Variants in UNC5D observed in about 807,000 individuals in gnomAD.
UNC5D encodes the protein netrin receptor UNC5D.
In UNC5D, 39 loss-of-function variants were observed where a neutral mutation model predicts 105.4. That is an observed-to-expected ratio of 0.37 (90% CI 0.29 to 0.48). The LOEUF (loss-of-function observed/expected upper bound fraction) is 0.48, where lower values mean the gene tolerates loss of function less well. UNC5D is among the 20% of genes least tolerant of loss of function. The pLI is 0.98. For synonymous variants in UNC5D, 452 were observed against 450.4 expected (o/e 1.00, Z -0.04); for missense variants, 991 against 1,202.4 (o/e 0.82, Z 2.60).
intron 1 of UNC5D, among the ~76,000 whole-genome samples, chr8:35,257,708 CCCTAAGACTA>C (rs1302441706): frequency 6.6e-6 from 1 of 152,142 alleles, no homozygotes; most frequent in Non-Finnish European, 1.5e-5. Flanking sequence ...GCCAGAGACT[CCCTAAGACTA>C]TTGACACCAT....
intron 13 of UNC5D, among the ~76,000 whole-genome samples, chr8:35,756,107 G>T (rs542588696): frequency 3.3e-5 from 5 of 152,072 alleles, no homozygotes; most frequent in African/African-American, 9.7e-5. Context: ...AGCCAATTGT[G>T]CCTTTACAAA....
At chr8:35,776,111 G>A (rs1353570402) in intron 16 of UNC5D, among the ~76,000 whole-genome samples, 2 of 151,976 alleles carry the variant, frequency 1.3e-5, no homozygotes, top group Non-Finnish European at 2.9e-5. Flanking sequence ...AATATAACAC[G>A]GTTAAAAAAG....
intron 4 of UNC5D, among the ~76,000 whole-genome samples, chr8:35,604,775 A>G (rs1350982037): frequency 1.3e-5 from 2 of 152,002 alleles, no homozygotes; most frequent in East Asian, 1.9e-4. Context: ...ACTTCTCTTC[A>G]TGATTCATTT....
rs1281026764 is a variant in UNC5D, at chr8:35,568,213, G to A, written c.438G>A (p.Lys146=). 1.2e-6 allele frequency: 2 copies of A among 1,614,084 alleles called. No individual in the cohort carries two copies. The highest frequency in any genetic ancestry group is 2.7e-5 in the African/African-American group (2 of 74,946). Residue 146 remains lysine (K), a synonymous_variant, in exon 3 of 17, where the codon AAG becomes AAA. Coordinates refer to ENST00000404895, the MANE Select transcript of UNC5D (RefSeq NM_080872.4). ...CVAWSHLGTS[K]SRKASVRIAY... is the part of the protein sequence containing the mutation. ...CGTGGAGCCACCTGGGTACCTCCAA[G>A]AGCAGGAAGGCCTCTGTGCGCATAG... is the stretch of plus-strand genomic sequence containing the variant.
At chr8:35,582,656 A>C (rs976309693) in intron 3 of UNC5D, among the ~76,000 whole-genome samples, 2 of 152,096 alleles carry the variant, frequency 1.3e-5, no homozygotes, top group African/African-American at 2.4e-5. Context: ...GAACCAAAAA[A>C]CTAATAATGT....
At position 35,720,006 on chromosome 8, in the gene UNC5D, C is replaced by T. The variant is rs1828487764; in HGVS notation, c.1118-2204C>T. Reference sequence around the variant, plus strand: ...CACTGAGCCATATCAAACATTGATACTTTGGTCTGCAGGCATACATAGGGT... The same window carrying T: ...CACTGAGCCATATCAAACATTGATATTTTGGTCTGCAGGCATACATAGGGT... On this transcript the variant is annotated intron_variant, in intron 8 of 16. Coordinates refer to ENST00000404895, the MANE Select transcript of UNC5D (RefSeq NM_080872.4). 1.3e-5 allele frequency among the ~76,000 whole-genome samples: 2 copies of T among 152,156 alleles called. 1 individual carries two copies. The highest frequency in any genetic ancestry group is 4.2e-4 in the South Asian group (2 of 4,818).
At chr8:35,360,260 T>C (rs183483625) in intron 1 of UNC5D, among the ~76,000 whole-genome samples, 7 of 152,270 alleles carry the variant, frequency 4.6e-5, no homozygotes, top group African/African-American at 1.4e-4. Context: ...TGATTTCCTT[T>C]TACATACAAA....
At chr8:35,507,160 A>C (rs1314820427) in intron 1 of UNC5D, among the ~76,000 whole-genome samples, 3 of 137,358 alleles carry the variant, frequency 2.2e-5, no homozygotes, top group Non-Finnish European at 4.6e-5. Flanking sequence ...GGTTCACGCC[A>C]TTCTCCTGCC....
At chr8:35,283,096 G>T (rs1056494933) in intron 1 of UNC5D, among the ~76,000 whole-genome samples, 1 of 152,028 alleles carries the variant, frequency 6.6e-6, no homozygotes, top group Non-Finnish European at 1.5e-5. Context: ...GCTATTTGGG[G>T]GTAGTTTTCA....
chr8:35,385,996 C>A (rs771773897), intron 1 of UNC5D, among the ~76,000 whole-genome samples: 1 of 152,058 alleles, frequency 6.6e-6, no homozygotes, highest in Non-Finnish European at 1.5e-5. Context: ...AATTGATTTC[C>A]CTTCTTAATC....
At chr8:35,592,364 T>C (rs1262663403) in intron 3 of UNC5D, among the ~76,000 whole-genome samples, 3 of 152,172 alleles carry the variant, frequency 2.0e-5, no homozygotes, top group Non-Finnish European at 4.4e-5. Flanking sequence ...TTCCTTCTCT[T>C]GTAGTATAAT....
At chr8:35,770,071 G>A (rs901800081) in intron 15 of UNC5D, among the ~76,000 whole-genome samples, 7 of 152,114 alleles carry the variant, frequency 4.6e-5, no homozygotes, top group Admixed American at 4.6e-4. Context: ...GACCTGGGGA[G>A]GTGCAGGATA....
chr8:35,716,272 A>C (rs1290367507), intron 8 of UNC5D, among the ~76,000 whole-genome samples: 1 of 152,176 alleles, frequency 6.6e-6, no homozygotes. Flanking sequence ...TATAATACCT[A>C]CCTCATAGAT....
chr8:35,479,817 C>CATA (rs1810356109), intron 1 of UNC5D, among the ~76,000 whole-genome samples: 1 of 152,190 alleles, frequency 6.6e-6, no homozygotes, highest in African/African-American at 2.4e-5. Flanking sequence ...GGCTACCTAT[C>CATA]AGGTACCATG....
intron 4 of UNC5D, among the ~76,000 whole-genome samples, chr8:35,648,290 G>C (rs956656079): frequency 2.0e-5 from 3 of 152,124 alleles, no homozygotes; most frequent in Non-Finnish European, 2.9e-5. Flanking sequence ...CCTTGCAGTA[G>C]TGTTCATTTT....
rs375314129 is a variant in UNC5D at position 35,366,991 on chromosome 8, A to G, written c.103+131104A>G. 1.5e-4 allele frequency among the ~76,000 whole-genome samples: 23 copies of G among 152,208 alleles called. No individual in the cohort carries two copies. In the East Asian group the frequency reaches 1.5e-3, roughly 10 times the overall value. ...ATAATGTGAAATATGTAACAATTTG[A>G]CATGACTCTAGTGGTTCTAATTTAG... is the stretch of plus-strand genomic sequence containing the variant. On this transcript the variant is annotated intron_variant, in intron 1 of 16. Coordinates refer to ENST00000404895, the MANE Select transcript of UNC5D (RefSeq NM_080872.4).
intron 4 of UNC5D, among the ~76,000 whole-genome samples, chr8:35,626,665 T>C (rs1165651980): frequency 6.6e-6 from 1 of 152,202 alleles, no homozygotes; most frequent in African/African-American, 2.4e-5. Flanking sequence ...GCTATTACTT[T>C]CCCTAGAGCA....
At chr8:35,414,373 C>T (rs1433042776) in intron 1 of UNC5D, among the ~76,000 whole-genome samples, 2 of 152,098 alleles carry the variant, frequency 1.3e-5, no homozygotes, top group East Asian at 3.9e-4. Context: ...ATTATCTTAC[C>T]TCCATCCATC....
At chr8:35,414,896 A>G (rs1325292849) in intron 1 of UNC5D, among the ~76,000 whole-genome samples, 1 of 151,986 alleles carries the variant, frequency 6.6e-6, no homozygotes, top group Non-Finnish European at 1.5e-5. Context: ...GAACAAGAAG[A>G]CTCATTATTT....
Sources: allele counts gnomAD v4.1 joint callset (sites outside exome capture counted in the v4.1 genomes callset), GRCh38; gene constraint gnomAD v4.1.1; transcripts MANE v1.5; gene names NCBI Gene and HGNC (gene_info 2026-07-23, HGNC 2026-07-21).